The following SYTL2 variants were observed in gnomAD, a reference collection of about 807,000 sequenced individuals.
The protein encoded by SYTL2 is synaptotagmin like 2.
SYTL2 carries 165 observed loss-of-function variants against 198.7 expected under a neutral mutation model. The ratio of observed to expected loss-of-function variants is 0.83; its 90% CI spans 0.73 to 0.94. SYTL2 has a LOEUF of 0.94. Ranked by LOEUF, SYTL2 falls within the 40% of genes least tolerant of loss-of-function variation. The probability of loss-of-function intolerance (pLI) is 0.00; values close to 1 mark genes in which losing one functional copy is unlikely to be tolerated. For synonymous variants in SYTL2, 966 were observed against 917.7 expected, an observed-to-expected ratio of 1.05 and a Z score of -0.95; for missense variants, 2,835 against 2,582.8, an observed-to-expected ratio of 1.10 and a Z score of -2.12.
At chr11:85,753,440 T>C (rs1483081391) in intron 2 of SYTL2, among the ~76,000 whole-genome samples, 1 of 152,036 alleles carries the variant, frequency 6.6e-6, no homozygotes, top group Non-Finnish European at 1.5e-5. Flanking sequence ...GCAACAGTGA[T>C]CTGGAACCGT....
At chr11:85,818,541 G>A in the SYTL2 span, among the ~76,000 whole-genome samples, 1 of 151,938 alleles carries the variant, frequency 6.6e-6, no homozygotes, top group East Asian at 1.9e-4. Context: ...AAAATCAGCA[G>A]GTCTCTTCAA....
chr11:85,702,058 C>A (rs1219532058), intron 16 of SYTL2, among the ~76,000 whole-genome samples: 1 of 152,122 alleles, frequency 6.6e-6, no homozygotes, highest in African/African-American at 2.4e-5. Flanking sequence ...AGGAATGGCA[C>A]TGGAAAAACA....
chr11:85,714,373 T>C (rs201913457), intron 12 of SYTL2, 40 bp downstream of exon 12: 50 of 1,510,880 alleles, frequency 3.3e-5, no homozygotes, highest in Non-Finnish European at 4.5e-5. Context: ...ATTCCAACCC[T>C]CTGTCTCCAT....
chr11:85,837,181 T>C, the SYTL2 span, among the ~76,000 whole-genome samples: 1 of 152,218 alleles, frequency 6.6e-6, no homozygotes, highest in Non-Finnish European at 1.5e-5. Context: ...GAGACAGAAT[T>C]GTATCCTCCC....
In SYTL2 at chr11:85,780,881, G is replaced by A. The variant is rs192168997; in HGVS notation, c.-389-22767C>T. 7.0e-4 allele frequency among the ~76,000 whole-genome samples: 107 copies of A among 152,328 alleles called. 1 individual carries two copies. The highest frequency in any genetic ancestry group is 1.6e-4 in the Non-Finnish European group (11 of 68,034). On this transcript the variant is annotated intron_variant, in intron 1 of 19. Coordinates refer to ENST00000359152, the MANE Select transcript of SYTL2 (RefSeq NM_206927.4). ...ACAGTCTTGTGGGACTGGGCCCTCA[G>A]CCTGTGAGATCTGATGCTATCTTCA...
At chr11:85,850,068 T>A in the SYTL2 span, among the ~76,000 whole-genome samples, 3 of 147,018 alleles carry the variant, frequency 2.0e-5, no homozygotes, top group Admixed American at 2.1e-4. Flanking sequence ...GGGAGTTCAC[T>A]CACGATTTGG....
the SYTL2 span, among the ~76,000 whole-genome samples, chr11:85,833,086 A>G: frequency 0.014 from 579 of 42,344 alleles, 48 homozygotes; most frequent in Non-Finnish European, 0.024. Flanking sequence ...AAAGAAAGAA[A>G]GAAAGAAAGA....
Position 85,727,537 on chromosome 11 carries a change from A to G in SYTL2, c.1821T>C (p.Asn607=). ...DMLVSESCQD[N]NVNIKSKFMN... ...TGAATTTGGATTTGATATTCACATT[A>G]TTATCTTGGCAACTTTCAGAAACCA... Residue 607 remains asparagine, a synonymous_variant, in exon 8 of 20, where the codon AAT becomes AAC. Transcript: ENST00000359152. The G allele has an allele frequency of 6.5e-7, 1 of 1,536,008 alleles. No individual in the cohort carries two copies. The highest frequency in any genetic ancestry group is 8.7e-7 in the Non-Finnish European group (1 of 1,146,868).
chr11:85,854,503 C>T, the SYTL2 span: 20 of 151,270 alleles, frequency 1.3e-4, no homozygotes, highest in East Asian at 3.3e-3. Flanking sequence ...GGTTTACGAA[C>T]AAAAAAGGAA....
At chr11:85,723,561 G>A (rs1390056207) in intron 8 of SYTL2, among the ~76,000 whole-genome samples, 1 of 152,104 alleles carries the variant, frequency 6.6e-6, no homozygotes, top group East Asian at 1.9e-4. Flanking sequence ...CTTCTATAAA[G>A]GTTGCCAATT....
chr11:85,801,910 G>C (rs1426254373), intron 1 of SYTL2, among the ~76,000 whole-genome samples: 1 of 151,690 alleles, frequency 6.6e-6, no homozygotes, highest in Non-Finnish European at 1.5e-5. Flanking sequence ...CACCTCCCAG[G>C]TTCAAGCGAT....
At chr11:85,799,344 G>C (rs1384491123) in intron 1 of SYTL2, among the ~76,000 whole-genome samples, 2 of 152,172 alleles carry the variant, frequency 1.3e-5, no homozygotes, top group Non-Finnish European at 2.9e-5. Flanking sequence ...GGCCATAAAA[G>C]AGGTATAAGC....
At chr11:85,743,136 C>A (rs2153514898) in intron 4 of SYTL2, among the ~76,000 whole-genome samples, 1 of 152,332 alleles carries the variant, frequency 6.6e-6, no homozygotes, top group Non-Finnish European at 1.5e-5. Flanking sequence ...CAACTTCTGA[C>A]TCCTGGCTAA....
intron 1 of SYTL2, among the ~76,000 whole-genome samples, chr11:85,765,754 T>A (rs1566002450): frequency 6.6e-6 from 1 of 152,176 alleles, no homozygotes; most frequent in African/African-American, 2.4e-5. Flanking sequence ...GTAGAAAGAC[T>A]ACCTTATCTG....
At chr11:85,718,699 C>T (rs1321894435) in intron 10 of SYTL2, 91 bp downstream of exon 10, 3 of 1,158,322 alleles carry the variant, frequency 2.6e-6, no homozygotes, top group Non-Finnish European at 3.8e-6. Context: ...TGACGTTCTT[C>T]TGTTTACCCA....
intron 1 of SYTL2, among the ~76,000 whole-genome samples, chr11:85,798,629 ACT>A (rs2092838311): frequency 6.6e-6 from 1 of 152,226 alleles, no homozygotes; most frequent in Non-Finnish European, 1.5e-5. Flanking sequence ...TACAAAGCAA[ACT>A]CAACAATGGA....
chr11:85,711,753 C>CCA (rs970370670), intron 12 of SYTL2, among the ~76,000 whole-genome samples: 2 of 150,186 alleles, frequency 1.3e-5, no homozygotes, highest in African/African-American at 4.9e-5. Flanking sequence ...CAACTCAAGG[C>CCA]CATATATATA....
At chr11:85,789,340 G>GTGTATATATATA (rs1280779293) in intron 1 of SYTL2, among the ~76,000 whole-genome samples, 1 of 62,526 alleles carries the variant, frequency 1.6e-5, no homozygotes, top group Non-Finnish European at 2.7e-5. Context: ...GTGTGTGTGT[G>GTGTATATATATA]TATATATATA....
At chr11:85,829,676 A>T in the SYTL2 span, among the ~76,000 whole-genome samples, 5 of 152,178 alleles carry the variant, frequency 3.3e-5, no homozygotes, top group Admixed American at 6.5e-5. Flanking sequence ...CTAACAGTGT[A>T]TAAGTGTTTC....
Sources: gnomAD v4.1 joint callset for allele counts (sites outside exome capture counted in the v4.1 genomes callset) on GRCh38, gnomAD v4.1.1 for gene constraint, MANE v1.5 for transcripts, NCBI Gene and HGNC (gene_info 2026-07-23, HGNC 2026-07-21) for gene names.